The following ARHGEF26 variants were observed in gnomAD, a reference collection of about 807,000 sequenced individuals.
ARHGEF26 encodes Rho guanine nucleotide exchange factor (GEF) 26.
ARHGEF26 carries 59 observed loss-of-function variants against 89.4 expected under a neutral mutation model. The ratio of observed to expected loss-of-function variants is 0.66; its 90% CI spans 0.54 to 0.82. The LOEUF (loss-of-function observed/expected upper bound fraction) is 0.82, where lower values mean the gene tolerates loss of function less well. Among genes scored for constraint, ARHGEF26 ranks in the 40% least tolerant of loss-of-function variants. The probability of loss-of-function intolerance (pLI) is 0.00; values close to 1 mark genes in which losing one functional copy is unlikely to be tolerated. For synonymous variants in ARHGEF26, 500 were observed against 428.4 expected, an observed-to-expected ratio of 1.17 and a Z score of -2.06; for missense variants, 1,234 against 1,085.6, an observed-to-expected ratio of 1.14 and a Z score of -1.92.
At chr3:154,225,114 T>C (rs1372221327) in intron 10 of ARHGEF26, among the ~76,000 whole-genome samples, 1 of 152,154 alleles carries the variant, frequency 6.6e-6, no homozygotes, top group Non-Finnish European at 1.5e-5. Flanking sequence ...AGTTTTCCAG[T>C]TGGCTTGTAC....
At chr3:154,239,355 G>A (rs1717355064) in intron 11 of ARHGEF26, among the ~76,000 whole-genome samples, 1 of 148,780 alleles carries the variant, frequency 6.7e-6, no homozygotes, top group African/African-American at 2.5e-5. Flanking sequence ...AAGAAGTATT[G>A]TTGGAGAGAG....
intron 4 of ARHGEF26, among the ~76,000 whole-genome samples, chr3:154,131,948 T>C (rs1030641992): frequency 5.3e-5 from 8 of 152,254 alleles, no homozygotes; most frequent in Non-Finnish European, 7.3e-5. Context: ...GTAAATGATA[T>C]TGATATCATA....
intron 6 of ARHGEF26, among the ~76,000 whole-genome samples, chr3:154,158,595 T>C (rs769857990): frequency 1.3e-5 from 2 of 152,140 alleles, no homozygotes; most frequent in Non-Finnish European, 2.9e-5. Flanking sequence ...TACCAACTTC[T>C]TCCCTCTGAC....
At chr3:154,152,487 C>T (rs899742374) in intron 5 of ARHGEF26, among the ~76,000 whole-genome samples, 4 of 152,160 alleles carry the variant, frequency 2.6e-5, no homozygotes, top group African/African-American at 9.7e-5. Flanking sequence ...ATAGATTCTA[C>T]CCCTTGGCAA....
intron 9 of ARHGEF26, among the ~76,000 whole-genome samples, chr3:154,202,352 C>A (rs1714698017): frequency 6.6e-6 from 1 of 152,086 alleles, no homozygotes; most frequent in Non-Finnish European, 1.5e-5. Context: ...CTGTTCTGTT[C>A]CCTTGGTCTA....
chr3:154,241,672 CATGGGCAAGTGGGAATTCATAGCCAT>C (rs1221427927), intron 12 of ARHGEF26, among the ~76,000 whole-genome samples: 3 of 152,204 alleles, frequency 2.0e-5, no homozygotes, highest in Admixed American at 6.5e-5. Context: ...TCCAACACAG[CATGGGCAAGTGGGAATTCATAGCCAT>C]AGGGCAGGAT....
Position 154,226,005 on chromosome 3 carries a change from G to A in ARHGEF26, c.2085G>A (p.Lys695=). The A allele has an allele frequency of 6.2e-7, 1 of 1,609,362 alleles. No homozygotes were observed. The highest frequency in any genetic ancestry group is 8.5e-7 in the Non-Finnish European group (1 of 1,178,294). ...LFNDVLIITK[K]KSEESYNVND... ...ACGATGTGCTCATTATCACCAAGAA[G>A]AAGAGGTAAGTCTTTATCTGGTGTT... Residue 695 remains lysine, a synonymous_variant, in exon 11 of 15, where the codon AAG becomes AAA. Coordinates refer to ENST00000465093, the MANE Select transcript of ARHGEF26 (RefSeq NM_015595.4).
chr3:154,156,483 T>C (rs942746281), intron 6 of ARHGEF26, among the ~76,000 whole-genome samples: 8 of 152,174 alleles, frequency 5.3e-5, no homozygotes, highest in African/African-American at 1.9e-4. Context: ...TCACTTCAAA[T>C]GCAATGCTTT....
At chr3:154,127,154 A>C (rs1479143743) in intron 3 of ARHGEF26, among the ~76,000 whole-genome samples, 1 of 152,212 alleles carries the variant, frequency 6.6e-6, no homozygotes, top group Non-Finnish European at 1.5e-5. Flanking sequence ...ACACTATTGT[A>C]GACTTTACAA....
At chr3:154,149,782 C>T (rs937963419) in intron 5 of ARHGEF26, among the ~76,000 whole-genome samples, 3 of 152,030 alleles carry the variant, frequency 2.0e-5, no homozygotes, top group Admixed American at 2.0e-4. Flanking sequence ...CTGATAGTCA[C>T]GTTAGTCTGT....
At chr3:154,231,413 G>A (rs1716816507) in intron 11 of ARHGEF26, among the ~76,000 whole-genome samples, 2 of 152,026 alleles carry the variant, frequency 1.3e-5, no homozygotes, top group South Asian at 2.1e-4. Context: ...ATTACTTCTC[G>A]TCTCTCAGAG....
chr3:154,181,107 C>T (rs1467157877), intron 6 of ARHGEF26, among the ~76,000 whole-genome samples: 1 of 152,128 alleles, frequency 6.6e-6, no homozygotes, highest in Non-Finnish European at 1.5e-5. Flanking sequence ...CTGACTTCAA[C>T]CTTCAGTGTC....
At chr3:154,170,498 G>A (rs1712361090) in intron 6 of ARHGEF26, among the ~76,000 whole-genome samples, 1 of 152,224 alleles carries the variant, frequency 6.6e-6, no homozygotes, top group African/African-American at 2.4e-5. Context: ...GTTGCTGACA[G>A]TGGTGTTACT....
chr3:154,152,015 T>C (rs1720055720), intron 5 of ARHGEF26, among the ~76,000 whole-genome samples: 1 of 152,180 alleles, frequency 6.6e-6, no homozygotes, highest in Admixed American at 6.5e-5. Flanking sequence ...TGGAATCTTA[T>C]CCACATATGT....
At position 154,136,898 on chromosome 3, in the gene ARHGEF26, T is replaced by C. The variant is rs535658317; in HGVS notation, c.1269+7179T>C. ...TCTTTTTTTGTGTGTGTATAAGATA[T>C]GGAAAATTATTTTCACTTTTTATAA... is the stretch of plus-strand genomic sequence containing the variant. On this transcript the variant is annotated intron_variant, in intron 4 of 14. Transcript: ENST00000465093. Among the ~76,000 whole-genome samples the C allele has an allele frequency of 5.3e-5, 8 of 152,346 alleles. No homozygotes were observed. In the East Asian group the frequency reaches 1.2e-3, roughly 22 times the overall value.
intron 11 of ARHGEF26, among the ~76,000 whole-genome samples, chr3:154,227,428 C>T (rs1716561465): frequency 6.6e-6 from 1 of 151,808 alleles, no homozygotes; most frequent in Admixed American, 6.6e-5. Context: ...CTCGCAGGCG[C>T]CCGCTACCAC....
intron 4 of ARHGEF26, among the ~76,000 whole-genome samples, chr3:154,131,700 C>T (rs1351970955): frequency 6.6e-6 from 1 of 151,998 alleles, no homozygotes; most frequent in African/African-American, 2.4e-5. Context: ...TAGCACAGGC[C>T]TAAATCGTGC....
In ARHGEF26 at chr3:154,122,443, A is replaced by G. The variant is rs1191748202; in HGVS notation, c.451A>G (p.Asn151Asp). 1 of 1,611,700 alleles carries G rather than the reference A, an allele frequency of 6.2e-7. No individual in the cohort carries two copies. The highest frequency in any genetic ancestry group is 8.5e-7 in the Non-Finnish European group (1 of 1,179,460). ...GGTTCTGCGCCCCCCGCGGACTCCT[A>G]ACGCGCCCGCCCCCTGCACCCCCGA... ...PPVLRPPRTPNAPAPCTPEED... is the reference protein window; with the variant it reads ...PPVLRPPRTPDAPAPCTPEED... Residue 151 changes from asparagine (N) to aspartate (D), a missense_variant, in exon 2 of 15, where the codon AAC (asparagine) becomes GAC (aspartate). By Grantham distance (23) the Asn-to-Asp change is conservative (BLOSUM62 1). Coordinates refer to ENST00000465093, the MANE Select transcript of ARHGEF26 (RefSeq NM_015595.4).
intron 10 of ARHGEF26, among the ~76,000 whole-genome samples, chr3:154,225,089 T>G (rs1716402005): frequency 6.6e-6 from 1 of 152,146 alleles, no homozygotes; most frequent in South Asian, 2.1e-4. Context: ...GTAAGGATTG[T>G]TCTGTAGTTT....
Sources: gnomAD v4.1 joint callset for allele counts (sites outside exome capture counted in the v4.1 genomes callset) on GRCh38, gnomAD v4.1.1 for gene constraint, MANE v1.5 for transcripts, NCBI Gene and HGNC (gene_info 2026-07-23, HGNC 2026-07-21) for gene names.